TTC3: variants seen among roughly 807,000 people sequenced by gnomAD.
TTC3 encodes E3 ubiquitin-protein ligase TTC3.
TTC3 carries 180 observed loss-of-function variants against 249.6 expected under a neutral mutation model. The observed-to-expected ratio is 0.72, with a 90% CI of 0.64 to 0.82. The LOEUF (loss-of-function observed/expected upper bound fraction) is 0.82, where lower values mean the gene tolerates loss of function less well. Ranked by LOEUF, TTC3 falls within the 40% of genes least tolerant of loss-of-function variation. The pLI, the probability that TTC3 is intolerant of heterozygous loss-of-function variation, is 0.00. For synonymous variants in TTC3, 717 were observed against 805.0 expected (o/e 0.89, Z 1.85); for missense variants, 2,061 against 2,398.4 (o/e 0.86, Z 2.94).
intron 3 of TTC3, 116 bp from the exon 4 acceptor site, chr21:37,088,080 C>T (rs1457001181): frequency 9.8e-7 from 1 of 1,023,428 alleles, no homozygotes; most frequent in African/African-American, 1.6e-5. Context: ...GGCTAGAATA[C>T]TTCATTCATT....
exon 28 of TTC3, chr21:37,156,797 T>C: frequency 6.2e-7 from 1 of 1,614,142 alleles, no homozygotes; most frequent in Non-Finnish European, 8.5e-7. Context: ...ATTATTTCTC[T>C]GAGCCAGCAT....
chr21:37,085,660 G>A (rs1424523190), intron 1 of TTC3: 1 of 152,302 alleles, frequency 6.6e-6, no homozygotes, highest in Admixed American at 6.5e-5. Flanking sequence ...TGGGGTGGGA[G>A]AGCCTAGTGA....
At position 37,185,694 on chromosome 21, in the gene TTC3, A is replaced by T. The variant is rs1278025913; in HGVS notation, c.4758-12A>T. The T allele has an allele frequency of 2.6e-6, 4 of 1,514,618 alleles. No individual in the cohort carries two copies. Among genetic ancestry groups the T allele is most frequent in the Non-Finnish European group, 2.6e-6 (3 of 1,132,616 alleles). 93.8% of individuals were successfully genotyped at this position (1,514,618 alleles called of 1,614,324 possible). ...CAAAATTAATTAATATTTGGTGATT[A>T]TGCTTTTATAGGTATACCCAGAAAA... On this transcript the variant is annotated splice_polypyrimidine_tract_variant and intron_variant, in intron 36 of 45. Transcript: ENST00000355666.
chr21:37,175,099 C>A (rs960040796), intron 35 of TTC3, among the ~76,000 whole-genome samples: 61 of 130,050 alleles, frequency 4.7e-4, no homozygotes, highest in Admixed American at 5.4e-4. Flanking sequence ...ACTAAAAATA[C>A]AAAAAAAAAA....
intron 3 of TTC3, 94 bp downstream of exon 3, chr21:37,087,969 C>G: frequency 9.5e-7 from 1 of 1,049,088 alleles, no homozygotes; most frequent in East Asian, 2.5e-5. Context: ...ATTTATATGC[C>G]TTTTAAAAAT....
chr21:37,176,010 A>T (rs2082253111), intron 35 of TTC3, among the ~76,000 whole-genome samples: 1 of 152,040 alleles, frequency 6.6e-6, no homozygotes, highest in African/African-American at 2.4e-5. Context: ...ACCTCCTGTG[A>T]TCCTCCCACC....
At chr21:37,173,308 G>T (rs2835644) in intron 35 of TTC3, among the ~76,000 whole-genome samples, 81,035 of 151,964 alleles carry the variant, frequency 0.53, 22,244 homozygotes, top group African/African-American at 0.64. Flanking sequence ...CTACTGTTAT[G>T]ATCATCATCT....
rs771664367 is a variant in TTC3, at chr21:37,191,472, A to G, written c.5115+48A>G. The G allele has an allele frequency of 6.4e-6, 8 of 1,251,000 alleles. No individual in the cohort carries two copies. In the African/African-American group the frequency reaches 1.3e-4, roughly 20 times the overall value. The allele number at this position is 1,251,000 out of a possible 1,614,324, so 77.5% of individuals were successfully genotyped here. A position where few individuals can be genotyped will look rare whatever the true frequency, so the allele number is the denominator to read the frequency against. Reference sequence around the variant, plus strand: ...TCCCATCAAAATCTTTATGATAGTTATAATTCTCGGGAGGCTGGTGTCATA... The same window carrying G: ...TCCCATCAAAATCTTTATGATAGTTGTAATTCTCGGGAGGCTGGTGTCATA... On this transcript the variant is annotated intron_variant, in intron 40 of 45. Transcript: ENST00000355666.
intron 11 of TTC3, among the ~76,000 whole-genome samples, chr21:37,111,674 G>T (rs1256759200): frequency 6.6e-6 from 1 of 152,062 alleles, no homozygotes; most frequent in Non-Finnish European, 1.5e-5. Context: ...TCCAGGAATT[G>T]AACTCAGCTC....
chr21:37,095,461 C>G lies in TTC3; in HGVS notation c.782+17C>G. On this transcript the variant is annotated intron_variant, in intron 9 of 45. Transcript: ENST00000355666. ...TGAATATAGGTAAGAGCAAATAGAA[C>G]AAAAGAGATGCTTTTTCTATGGCAC... 1 of 1,480,754 alleles carries G rather than the reference C, an allele frequency of 6.8e-7. No individual in the cohort carries two copies. Among genetic ancestry groups the G allele is most frequent in the Non-Finnish European group, 9.2e-7 (1 of 1,086,524 alleles). 91.7% of individuals were successfully genotyped at this position (1,480,754 alleles called of 1,614,324 possible).
intron 11 of TTC3, among the ~76,000 whole-genome samples, chr21:37,116,684 T>C (rs1463984781): frequency 6.6e-6 from 1 of 151,962 alleles, no homozygotes; most frequent in Non-Finnish European, 1.5e-5. Context: ...TGTGGTGCAT[T>C]CCTGTCTAGC....
chr21:37,113,035 T>C (rs2075814660), intron 11 of TTC3, among the ~76,000 whole-genome samples: 1 of 152,182 alleles, frequency 6.6e-6, no homozygotes, highest in Non-Finnish European at 1.5e-5. Flanking sequence ...ATTGATGGGA[T>C]GTATTTCAAA....
chr21:37,156,551 A>G (rs2080107463), intron 27 of TTC3, 104 bp from the exon 28 acceptor site: 2 of 1,425,660 alleles, frequency 1.4e-6, no homozygotes, highest in Admixed American at 2.3e-5. Context: ...TGCTGAGAAT[A>G]TAAGCAAACT....
At chr21:37,115,505 T>C (rs181332494) in intron 11 of TTC3, among the ~76,000 whole-genome samples, 134 of 152,290 alleles carry the variant, frequency 8.8e-4, no homozygotes, top group African/African-American at 2.9e-3. Context: ...GTGTGTGTGC[T>C]CTAGAAAATT....
chr21:37,087,949 A>T, intron 3 of TTC3, 74 bp downstream of exon 3: 1 of 1,170,766 alleles, frequency 8.5e-7, no homozygotes, highest in Non-Finnish European at 1.2e-6. Context: ...CTGTCATAGC[A>T]ATACAACAGA....
At chr21:37,119,562 G>T (rs985924140) in intron 11 of TTC3, among the ~76,000 whole-genome samples, 5 of 152,066 alleles carry the variant, frequency 3.3e-5, no homozygotes, top group Admixed American at 1.3e-4. Context: ...CAGCTGCCTT[G>T]GTCCTCTGTA....
At chr21:37,140,529 G>A (rs766946223) in intron 19 of TTC3, 32 bp from the exon 20 acceptor site, 6 of 1,381,882 alleles carry the variant, frequency 4.3e-6, no homozygotes, top group Non-Finnish European at 5.9e-6. Flanking sequence ...CTCTTTGTAT[G>A]TAAGTGATCA....
intron 35 of TTC3, among the ~76,000 whole-genome samples, chr21:37,179,356 A>G (rs1284960147): frequency 1.3e-5 from 2 of 152,228 alleles, no homozygotes; most frequent in Non-Finnish European, 2.9e-5. Flanking sequence ...TGATTTGCAC[A>G]TATTTACTTC....
intron 9 of TTC3, 196 bp downstream of exon 9, chr21:37,095,640 G>GC: frequency 2.5e-6 from 1 of 397,862 alleles, no homozygotes; most frequent in South Asian, 7.1e-5. Flanking sequence ...CATAACTCAA[G>GC]CAAGTCAGGC....
Sources: gnomAD v4.1 joint callset for allele counts (sites outside exome capture counted in the v4.1 genomes callset) on GRCh38, gnomAD v4.1.1 for gene constraint, MANE v1.5 for transcripts, NCBI Gene and HGNC (gene_info 2026-07-23, HGNC 2026-07-21) for gene names.